SHC3: variants seen among roughly 807,000 people sequenced by gnomAD.
SHC3 encodes the protein SHC adaptor protein 3, also known as SHC-transforming protein 3.
In SHC3, 15 loss-of-function variants were observed where a neutral mutation model predicts 60.4. That is an observed-to-expected ratio of 0.25 (90% CI 0.17 to 0.38). The LOEUF (loss-of-function observed/expected upper bound fraction) is 0.38, where lower values mean the gene tolerates loss of function less well. Ranked by LOEUF, SHC3 falls within the 10% of genes least tolerant of loss-of-function variation. SHC3 has a pLI of 1.00. For missense variants in SHC3, 677 were observed against 786.1 expected (o/e 0.86, Z 1.66); for synonymous variants, 294 against 325.9 (o/e 0.90, Z 1.05).
chr9:89,100,469 C>T (rs1431318993), intron 2 of SHC3, among the ~76,000 whole-genome samples: 4 of 152,104 alleles, frequency 2.6e-5, no homozygotes, highest in Non-Finnish European at 5.9e-5. Flanking sequence ...AAACTCCCGG[C>T]CTCAAGTGAT....
chr9:89,103,151 T>C (rs1025735231), intron 2 of SHC3, among the ~76,000 whole-genome samples: 4 of 152,172 alleles, frequency 2.6e-5, no homozygotes, highest in African/African-American at 9.7e-5. Flanking sequence ...AAAGAATGGA[T>C]AAGCAACGAT....
intron 2 of SHC3, among the ~76,000 whole-genome samples, chr9:89,107,816 TAG>T (rs1825886118): frequency 6.6e-6 from 1 of 152,190 alleles, no homozygotes; most frequent in Non-Finnish European, 1.5e-5. Flanking sequence ...TCTACAAAAA[TAG>T]ATTCACTCTT....
chr9:89,079,010 C>T (rs971587908), intron 2 of SHC3, among the ~76,000 whole-genome samples: 5 of 152,134 alleles, frequency 3.3e-5, no homozygotes, highest in African/African-American at 7.2e-5. Context: ...ATATCAGTTA[C>T]GCAACAGACT....
At chr9:89,107,506 G>T (rs766438335) in intron 2 of SHC3, among the ~76,000 whole-genome samples, 3 of 152,236 alleles carry the variant, frequency 2.0e-5, no homozygotes, top group Non-Finnish European at 1.5e-5. Context: ...TTATTCCAAA[G>T]GCGGGATGCA....
intron 2 of SHC3, among the ~76,000 whole-genome samples, chr9:89,088,160 A>G (rs4877051): frequency 0.085 from 12,936 of 152,228 alleles, 645 homozygotes; most frequent in Admixed American, 0.13. Flanking sequence ...CTTCATCTAC[A>G]TACTAAGAAC....
chr9:89,176,243 A>G (rs1298706389), intron 1 of SHC3, among the ~76,000 whole-genome samples: 1 of 152,244 alleles, frequency 6.6e-6, no homozygotes, highest in Non-Finnish European at 1.5e-5. Context: ...GCTGCCAGTA[A>G]GTCACAAACC....
intron 4 of SHC3, 57 bp downstream of exon 4, chr9:89,075,052 G>A: frequency 8.8e-6 from 14 of 1,584,934 alleles, no homozygotes; most frequent in South Asian, 5.8e-5. Flanking sequence ...AGAAGCCTGC[G>A]AAACACTCAT....
chr9:89,027,350 C>G (rs1351900621), intron 11 of SHC3, among the ~76,000 whole-genome samples: 1 of 62,226 alleles, frequency 1.6e-5, no homozygotes, highest in African/African-American at 1.3e-4. Context: ...GAGACTGAGT[C>G]TCGCTGTCGC....
At chr9:89,057,796 T>G (rs946368022) in intron 6 of SHC3, among the ~76,000 whole-genome samples, 1 of 152,194 alleles carries the variant, frequency 6.6e-6, no homozygotes, top group Admixed American at 6.5e-5. Flanking sequence ...GGTGCCCTCC[T>G]CCCCGCAAAA....
intron 7 of SHC3, among the ~76,000 whole-genome samples, chr9:89,051,307 GC>G (rs1824858146): frequency 6.6e-6 from 1 of 152,132 alleles, no homozygotes; most frequent in African/African-American, 2.4e-5. Flanking sequence ...TGACCAATAT[GC>G]CCCATATTAC....
intron 2 of SHC3, chr9:89,109,097 G>A (rs1366634794): frequency 1.0e-6 from 1 of 985,468 alleles, no homozygotes; most frequent in Admixed American, 6.1e-5. Context: ...GCTTCTCTCA[G>A]CCTGGGCCAG....
chr9:89,046,700 T>C, intron 8 of SHC3, 144 bp downstream of exon 8: 1 of 1,004,292 alleles, frequency 1.0e-6, no homozygotes, highest in South Asian at 2.4e-5. Flanking sequence ...GCATGCCTCA[T>C]GAAATCCAGT....
intron 3 of SHC3, 56 bp from the exon 4 acceptor site, chr9:89,075,284 G>T (rs879055428): frequency 4.1e-5 from 65 of 1,594,812 alleles, no homozygotes; most frequent in Non-Finnish European, 5.2e-5. Context: ...AAAGGGTGGG[G>T]ATGTGGATGC....
At chr9:89,147,663 A>G (rs1013147694) in intron 1 of SHC3, among the ~76,000 whole-genome samples, 35 of 152,106 alleles carry the variant, frequency 2.3e-4, no homozygotes, top group African/African-American at 8.2e-4. Flanking sequence ...CTTCTTTGCC[A>G]GTTTGCACGA....
In SHC3 at chr9:89,065,722, C is replaced by T. The variant is rs993708543; in HGVS notation, c.784-142G>A. Reference sequence around the variant, plus strand: ...AATCAAATGCTGCCTAAGAAACAGCCCCCAGAAGATTCAAGCTATATAATG... The same window carrying T: ...AATCAAATGCTGCCTAAGAAACAGCTCCCAGAAGATTCAAGCTATATAATG... On this transcript the variant is annotated intron_variant, in intron 5 of 11. Transcript: ENST00000375835. The T allele has an allele frequency of 4.9e-6, 4 of 812,036 alleles. No individual in the cohort carries two copies. The African/African-American group carries it at 6.8e-5, about 14-fold the overall frequency. 50.3% of individuals were successfully genotyped at this position (812,036 alleles called of 1,614,324 possible). A position where few individuals can be genotyped will look rare whatever the true frequency, so the allele number is the denominator to read the frequency against.
intron 2 of SHC3, among the ~76,000 whole-genome samples, chr9:89,097,555 G>A (rs1825723376): frequency 6.6e-6 from 1 of 152,224 alleles, no homozygotes; most frequent in African/African-American, 2.4e-5. Flanking sequence ...CATGGAGTTT[G>A]TCTCAGGAGT....
chr9:89,014,694 C>T (rs1279627255), intron 11 of SHC3, among the ~76,000 whole-genome samples: 1 of 152,104 alleles, frequency 6.6e-6, no homozygotes, highest in African/African-American at 2.4e-5. Flanking sequence ...TTCTCTTTTC[C>T]CCAAATTCTC....
At chr9:89,047,117 C>T (rs1367654597) in intron 7 of SHC3, 123 bp from the exon 8 acceptor site, 1 of 949,822 alleles carries the variant, frequency 1.1e-6, no homozygotes, top group Non-Finnish European at 1.5e-6. Flanking sequence ...CTCAGCCATC[C>T]AGGTCTCATG....
chr9:89,040,906 A>C (rs1824677368), intron 10 of SHC3, among the ~76,000 whole-genome samples: 5 of 152,222 alleles, frequency 3.3e-5, no homozygotes, highest in Admixed American at 3.3e-4. Flanking sequence ...GGCACTTAAC[A>C]CTGTCCTCAC....
Sources: allele counts gnomAD v4.1 joint callset (sites outside exome capture counted in the v4.1 genomes callset), GRCh38; gene constraint gnomAD v4.1.1; transcripts MANE v1.5; gene names NCBI Gene and HGNC (gene_info 2026-07-23, HGNC 2026-07-21).